The following RNF130 variants were observed in gnomAD, a reference collection of about 807,000 sequenced individuals.
The protein encoded by RNF130 is E3 ubiquitin-protein ligase RNF130.
Under a neutral mutation model 44.6 loss-of-function variants are expected in RNF130, and 21 were observed. The ratio of observed to expected loss-of-function variants is 0.47; its 90% confidence interval spans 0.33 to 0.68. RNF130 has a LOEUF of 0.68. Ranked by LOEUF, RNF130 falls within the 30% of genes least tolerant of loss-of-function variation. The probability of loss-of-function intolerance (pLI) is 0.02; values close to 1 mark genes in which losing one functional copy is unlikely to be tolerated. For synonymous variants in RNF130, 214 were observed against 210.4 expected (o/e 1.02, Z -0.15); for missense variants, 479 against 560.6 (o/e 0.85, Z 1.47).
chr5:179,946,071 A>G (rs996667252), intron 7 of RNF130, among the ~76,000 whole-genome samples: 2 of 152,206 alleles, frequency 1.3e-5, no homozygotes, highest in South Asian at 2.1e-4. Flanking sequence ...CTGTCCTCCA[A>G]GGGACTTTTC....
intron 1 of RNF130, among the ~76,000 whole-genome samples, chr5:180,051,269 A>ATTTATTTATTTAT (rs1764682952): frequency 8.8e-5 from 2 of 22,798 alleles, no homozygotes; most frequent in Non-Finnish European, 2.6e-4. Flanking sequence ...TATTTATTTG[A>ATTTATTTATTTAT]GACAGAGTCT....
chr5:180,071,714 C>T lies in RNF130; in HGVS notation c.-12G>A. The T allele has an allele frequency of 7.9e-7, 1 of 1,261,354 alleles. No individual in the cohort carries two copies. The highest frequency in any genetic ancestry group is 2.8e-5 in the South Asian group (1 of 35,912). The allele number at this position is 1,261,354 out of a possible 1,614,324, so 78.1% of individuals were successfully genotyped here. A position where few individuals can be genotyped will look rare whatever the true frequency, so the allele number is the denominator to read the frequency against. ...CCCGCGCAGCTCATCGTCCCTCCGG[C>T]AGCCGCCGCTGCTCGCGGACCGGGC... On this transcript the variant is annotated 5_prime_UTR_variant, in exon 1 of 9. Transcript: ENST00000521389.
intron 4 of RNF130, 43 bp downstream of exon 4, chr5:179,980,086 G>T (rs1328449626): frequency 1.3e-6 from 2 of 1,561,718 alleles, no homozygotes; most frequent in South Asian, 2.2e-5. Context: ...AAACAAAACT[G>T]CTGGATTACT....
At chr5:180,014,603 T>G (rs1161316667) in intron 2 of RNF130, among the ~76,000 whole-genome samples, 7 of 152,176 alleles carry the variant, frequency 4.6e-5, no homozygotes, top group Non-Finnish European at 8.8e-5. Flanking sequence ...ATTGAAATAT[T>G]TGGTTTTACA....
At chr5:180,005,202 TG>T (rs1763436658) in intron 3 of RNF130, among the ~76,000 whole-genome samples, 1 of 151,682 alleles carries the variant, frequency 6.6e-6, no homozygotes, top group South Asian at 2.1e-4. Context: ...CCGAGGCGGG[TG>T]GATCACCTAT....
At chr5:179,970,170 G>GA (rs879830210) in intron 6 of RNF130, among the ~76,000 whole-genome samples, 14 of 149,836 alleles carry the variant, frequency 9.3e-5, no homozygotes, top group Admixed American at 2.7e-4. Flanking sequence ...TTTAAAAAAA[G>GA]AAAAAAAAAG....
intron 1 of RNF130, among the ~76,000 whole-genome samples, chr5:180,042,384 C>G (rs765959552): frequency 3.9e-5 from 6 of 152,124 alleles, no homozygotes; most frequent in Admixed American, 6.5e-5. Flanking sequence ...CATTACCTAC[C>G]CTTTTCCTTA....
In RNF130 at chr5:180,013,107, T is replaced by G; in HGVS notation, c.647A>C (p.Tyr216Ser). Residue 216 changes from tyrosine (Y) to serine (S), a missense_variant, in exon 3 of 9, where the codon TAC (tyrosine) becomes TCC (serine). Around this residue, in one of 3 missense-constraint regions of RNF130, gnomAD observed 180 missense variants for 275.1 expected, o/e 0.65. Coordinates refer to ENST00000521389, the MANE Select transcript of RNF130 (RefSeq NM_018434.6). ...MIISSAWLIFYFIQKIRYTNA... is the reference protein window; with the variant it reads ...MIISSAWLIFSFIQKIRYTNA... Reference sequence around the variant, plus strand: ...TGTGTACCTGATCTTCTGAATGAAGTAGAATATGAGCCATGCTGAAGAAAT... The same window carrying G: ...TGTGTACCTGATCTTCTGAATGAAGGAGAATATGAGCCATGCTGAAGAAAT... 6.2e-7 allele frequency: 1 copy of G among 1,614,050 alleles called. No individual in the cohort carries two copies. Among genetic ancestry groups the G allele is most frequent in the Non-Finnish European group, 8.5e-7 (1 of 1,180,010 alleles).
chr5:179,990,766 C>G (rs549148824), intron 3 of RNF130, among the ~76,000 whole-genome samples: 1 of 152,354 alleles, frequency 6.6e-6, no homozygotes, highest in South Asian at 2.1e-4. Context: ...ACACTCTTGT[C>G]TTCTGGTCAC....
At chr5:179,928,530 C>G (rs1761740534) in intron 7 of RNF130, among the ~76,000 whole-genome samples, 1 of 152,134 alleles carries the variant, frequency 6.6e-6, no homozygotes, top group Non-Finnish European at 1.5e-5. Context: ...ATTTTCCCAT[C>G]AGGTTGTCAG....
chr5:179,973,021 C>T (rs1762620747), intron 5 of RNF130, among the ~76,000 whole-genome samples: 1 of 152,074 alleles, frequency 6.6e-6, no homozygotes, highest in African/African-American at 2.4e-5. Flanking sequence ...AGAAAACCTC[C>T]CTTCCTCAGC....
chr5:179,948,692 G>A (rs898759703), intron 7 of RNF130, among the ~76,000 whole-genome samples: 44 of 152,000 alleles, frequency 2.9e-4, no homozygotes, highest in Non-Finnish European at 4.7e-4. Flanking sequence ...GAGAGAGAGA[G>A]AAAAAAAGAG....
At chr5:180,060,886 G>A (rs574432632) in intron 1 of RNF130, among the ~76,000 whole-genome samples, 12 of 151,938 alleles carry the variant, frequency 7.9e-5, no homozygotes, top group Non-Finnish European at 1.2e-4. Flanking sequence ...TGGCTAACAC[G>A]GTGAAACCCC....
intron 8 of RNF130, among the ~76,000 whole-genome samples, chr5:179,961,789 G>T (rs1479622522): frequency 1.3e-5 from 2 of 152,076 alleles, no homozygotes; most frequent in Non-Finnish European, 2.9e-5. Context: ...GAGCTACTAT[G>T]GTACTGTGTC....
chr5:179,996,196 T>C (rs1039147648), intron 3 of RNF130, among the ~76,000 whole-genome samples: 1 of 152,228 alleles, frequency 6.6e-6, no homozygotes, highest in Admixed American at 6.5e-5. Flanking sequence ...TTCCTATGTA[T>C]TTTATTCTTT....
chr5:180,067,605 C>T (rs928332666), intron 1 of RNF130, among the ~76,000 whole-genome samples: 5 of 152,134 alleles, frequency 3.3e-5, no homozygotes, highest in African/African-American at 1.2e-4. Flanking sequence ...TATGTAAAAA[C>T]ATGTCATAAG....
intron 2 of RNF130, among the ~76,000 whole-genome samples, chr5:180,023,199 A>G (rs1007809843): frequency 5.3e-5 from 8 of 152,234 alleles, no homozygotes; most frequent in African/African-American, 1.4e-4. Context: ...TGTTAGCTTA[A>G]TATCAATGCA....
chr5:179,978,951 A>G (rs1762772346), intron 4 of RNF130, among the ~76,000 whole-genome samples: 1 of 152,210 alleles, frequency 6.6e-6, no homozygotes, highest in Non-Finnish European at 1.5e-5. Context: ...CCAGGAACCT[A>G]AGCCAAGAAA....
chr5:179,938,955 C>T (rs939588688), intron 7 of RNF130, among the ~76,000 whole-genome samples: 1 of 152,150 alleles, frequency 6.6e-6, no homozygotes, highest in Non-Finnish European at 1.5e-5. Context: ...AGGCCGGGCA[C>T]AGCAGCTCAC....
Sources: gnomAD v4.1 joint callset for allele counts (sites outside exome capture counted in the v4.1 genomes callset) on GRCh38, gnomAD v4.1.1 for gene constraint, gnomAD v4.1.1 regional missense constraint, MANE v1.5 for transcripts, NCBI Gene and HGNC (gene_info 2026-07-23, HGNC 2026-07-21) for gene names.